Variants in BCR observed in about 807,000 individuals in gnomAD.
The protein encoded by BCR is BCR activator of RhoGEF and GTPase, also known as breakpoint cluster region protein.
In BCR, 58 loss-of-function variants were observed where a neutral mutation model predicts 138.6. The ratio of observed to expected loss-of-function variants is 0.42; its 90% CI spans 0.34 to 0.52. The LOEUF is 0.52. BCR is among the 20% of genes least tolerant of loss of function. BCR has a pLI of 0.06. For missense variants in BCR, 1,599 were observed against 1,727.2 expected (o/e 0.93, Z 1.32); for synonymous variants, 786 against 730.1 (o/e 1.08, Z -1.23).
intron 9 of BCR, 66 bp downstream of exon 9, chr22:23,284,164 C>G (rs1175099914): frequency 1.3e-6 from 2 of 1,589,090 alleles, no homozygotes; most frequent in Non-Finnish European, 1.7e-6. Context: ...CATGGAGGGT[C>G]TTGTCATGGC....
At chr22:23,262,284 C>T (rs1408320507) in intron 4 of BCR, among the ~76,000 whole-genome samples, 3 of 152,360 alleles carry the variant, frequency 2.0e-5, no homozygotes, top group Admixed American at 1.3e-4. Flanking sequence ...TTCTGGACTA[C>T]CGAGACACAC....
chr22:23,210,532 CTT>C (rs2146219236), intron 1 of BCR, among the ~76,000 whole-genome samples: 1 of 152,242 alleles, frequency 6.6e-6, no homozygotes, highest in African/African-American at 2.4e-5. Context: ...GAAAGTCACT[CTT>C]GGTATACTGT....
At chr22:23,299,471 C>A (rs1272098192) in intron 16 of BCR, among the ~76,000 whole-genome samples, 2 of 152,104 alleles carry the variant, frequency 1.3e-5, no homozygotes, top group African/African-American at 4.8e-5. Context: ...ATTCTCGATG[C>A]CTTCGTGGCC....
At chr22:23,206,015 C>T (rs1036268136) in intron 1 of BCR, among the ~76,000 whole-genome samples, 2 of 152,128 alleles carry the variant, frequency 1.3e-5, no homozygotes, top group African/African-American at 4.8e-5. Context: ...ACCTGTGAGG[C>T]AGGTAGGGTA....
In BCR at chr22:23,255,906, G is replaced by C. The variant is rs2146269815; in HGVS notation, c.1461+1926G>C. On this transcript the variant is annotated intron_variant, in intron 2 of 22. Transcript: ENST00000305877. ...AATCCCAAGCACGCCCCTTGGCCCA[G>C]AGCTGGTCTGAAGAGGAGGGGATTT... Among the ~76,000 whole-genome samples the C allele has an allele frequency of 1.3e-5, 2 of 152,328 alleles. 1 individual carries two copies. The highest frequency in any genetic ancestry group is 6.8e-3 in the Middle Eastern group (2 of 294).
intron 4 of BCR, chr22:23,264,001 C>T (rs1474008149): frequency 1.1e-6 from 1 of 889,398 alleles, no homozygotes; most frequent in Admixed American, 1.7e-5. Flanking sequence ...CCCCCAAGGG[C>T]TGGGGTGCTG....
chr22:23,262,939 G>A, intron 4 of BCR: 1 of 1,092,780 alleles, frequency 9.2e-7, no homozygotes, highest in Non-Finnish European at 1.1e-6. Flanking sequence ...GAGGGAGGCG[G>A]AAGCGTGGAG....
rs1005554669 is a variant in BCR at position 23,283,868 on chromosome 22, G to A, written c.2116-109G>A. On this transcript the variant is annotated intron_variant, in intron 8 of 22. Coordinates refer to ENST00000305877, the MANE Select transcript of BCR (RefSeq NM_004327.4). ...ATGTGGAGGGAGTGAAATCTTCCCAGGGAGAGAATGTCTCTGGGTCAACCT... is the reference window on the plus strand; with the variant it reads ...ATGTGGAGGGAGTGAAATCTTCCCAAGGAGAGAATGTCTCTGGGTCAACCT... The A allele has an allele frequency of 2.9e-6, 4 of 1,391,294 alleles. No homozygotes were observed. In the Admixed American group the frequency reaches 1.1e-4, roughly 40 times the overall value. 86.2% of individuals were successfully genotyped at this position (1,391,294 alleles called of 1,614,324 possible).
intron 1 of BCR, among the ~76,000 whole-genome samples, chr22:23,198,753 G>A (rs1430263828): frequency 6.6e-6 from 1 of 152,162 alleles, no homozygotes; most frequent in Non-Finnish European, 1.5e-5. Flanking sequence ...CCCAAGGGAG[G>A]CATCTTGTCG....
Position 23,315,588 on chromosome 22 carries a change from G to T in BCR, c.*66G>T. On this transcript the variant is annotated 3_prime_UTR_variant, in exon 23 of 23. Transcript: ENST00000305877. Reference sequence around the variant, plus strand: ...AAACCTCTGGCTAATCGGGCCATCCGTAGAGCGGGAACCTTCCTGAGGTGT... The same window carrying T: ...AAACCTCTGGCTAATCGGGCCATCCTTAGAGCGGGAACCTTCCTGAGGTGT... The T allele has an allele frequency of 4.0e-6, 6 of 1,488,672 alleles. No individual in the cohort carries two copies. The highest frequency in any genetic ancestry group is 5.6e-6 in the Non-Finnish European group (6 of 1,072,010). 92.2% of individuals were successfully genotyped at this position (1,488,672 alleles called of 1,614,324 possible).
chr22:23,287,268 G>T lies in BCR; in HGVS notation c.2516G>T (p.Arg839Leu). ...AGCATGGCCTTCAGGGTGCACAGCC[G>T]CAACGGCAAGGTGAGCGCCTGCTGT... is the stretch of plus-strand genomic sequence containing the variant. ...SPSMAFRVHS[R>L]NGKSYTFLIS... is the part of the protein sequence containing the mutation. Residue 839 changes from arginine (R) to leucine (L), a missense_variant, in exon 11 of 23, where the codon CGC becomes CTC. Transcript: ENST00000305877. 6.5e-7 allele frequency: 1 copy of T among 1,548,324 alleles called. No individual in the cohort carries two copies. The highest frequency in any genetic ancestry group is 8.7e-7 in the Non-Finnish European group (1 of 1,145,176).
intron 5 of BCR, among the ~76,000 whole-genome samples, chr22:23,269,115 G>A (rs1020646313): frequency 2.6e-5 from 4 of 152,224 alleles, no homozygotes; most frequent in African/African-American, 4.8e-5. Context: ...TGGTGTTAGC[G>A]CCCAGGGCCT....
intron 4 of BCR, chr22:23,265,053 C>T (rs1414376510): frequency 6.6e-6 from 1 of 152,248 alleles, no homozygotes; most frequent in East Asian, 1.9e-4. Context: ...AATGGAGAAT[C>T]GTGTTGTTGG....
chr22:23,301,077 G>A (rs189959886), intron 16 of BCR, among the ~76,000 whole-genome samples: 183 of 152,362 alleles, frequency 1.2e-3, no homozygotes, highest in Admixed American at 2.9e-3. Flanking sequence ...GCTGAGGAGG[G>A]CGGATCATTT....
In BCR at chr22:23,297,953, TG is replaced by T. The variant is rs369920084; in HGVS notation, c.3012+2800del. Among the ~76,000 whole-genome samples, 15 of 152,316 alleles carry T rather than the reference TG, an allele frequency of 9.8e-5. 1 individual carries two copies. The highest frequency in any genetic ancestry group is 3.6e-4 in the African/African-American group (15 of 41,566). Reference sequence around the variant, plus strand: ...TGCTCTTCTGTCAGTCTAGGGGTGCTGGCTGAGCACCCCACCCCATCCCGGG... The same window carrying T: ...TGCTCTTCTGTCAGTCTAGGGGTGCTGCTGAGCACCCCACCCCATCCCGGG... On this transcript the variant is annotated intron_variant, in intron 16 of 22. Coordinates refer to ENST00000305877, the MANE Select transcript of BCR (RefSeq NM_004327.4).
chr22:23,207,246 G>A (rs977904002), intron 1 of BCR, among the ~76,000 whole-genome samples: 1 of 152,144 alleles, frequency 6.6e-6, no homozygotes, highest in South Asian at 2.1e-4. Flanking sequence ...GTGCTGGGAT[G>A]GAAGTGAGTA....
At chr22:23,190,648 G>A (rs896156850) in intron 1 of BCR, among the ~76,000 whole-genome samples, 1 of 152,160 alleles carries the variant, frequency 6.6e-6, no homozygotes, top group South Asian at 2.1e-4. Flanking sequence ...GTAACACTTG[G>A]TGAGTCCGTT....
chr22:23,206,403 T>C (rs1046766218), intron 1 of BCR, among the ~76,000 whole-genome samples: 1 of 151,808 alleles, frequency 6.6e-6, no homozygotes, highest in African/African-American at 2.4e-5. Flanking sequence ...TGAAACCATG[T>C]CTCTACTAAA....
chr22:23,180,854 G>C lies in BCR; in HGVS notation c.-107G>C. On this transcript the variant is annotated 5_prime_UTR_variant, in exon 1 of 23. Transcript: ENST00000305877. ...TGTTCGCCGCCGCCGCCGCCGCGCG[G>C]GCCATGGGGGCCGCCCGGCGCCCGG... 1.6e-6 allele frequency: 1 copy of C among 634,624 alleles called. No individual in the cohort carries two copies. Among genetic ancestry groups the C allele is most frequent in the Non-Finnish European group, 1.9e-6 (1 of 516,876 alleles). 39.3% of individuals were successfully genotyped at this position (634,624 alleles called of 1,614,324 possible).
Sources: allele counts gnomAD v4.1 joint callset (sites outside exome capture counted in the v4.1 genomes callset), GRCh38; gene constraint gnomAD v4.1.1; transcripts MANE v1.5; gene names NCBI Gene and HGNC (gene_info 2026-07-23, HGNC 2026-07-21).